The following FNDC3A variants were observed in gnomAD, a reference collection of about 807,000 sequenced individuals.
FNDC3A encodes the protein fibronectin type-III domain-containing protein 3A.
A neutral mutation model predicts 148.9 loss-of-function variants in FNDC3A; 32 were observed. That is an observed-to-expected ratio of 0.21 (90% confidence interval 0.16 to 0.29). The LOEUF (loss-of-function observed/expected upper bound fraction) is 0.29. Ranked by LOEUF, FNDC3A falls within the 10% of genes least tolerant of loss-of-function variation. The pLI, the probability that FNDC3A is intolerant of heterozygous loss-of-function variation, is 1.00. For missense variants in FNDC3A, 1,191 were observed against 1,452.8 expected (o/e 0.82, Z 2.93); for synonymous variants, 472 against 473.6 (o/e 1.00, Z 0.04).
intron 2 of FNDC3A, among the ~76,000 whole-genome samples, chr13:49,033,206 A>G (rs1168429588): frequency 6.6e-6 from 1 of 152,214 alleles, no homozygotes; most frequent in Non-Finnish European, 1.5e-5. Flanking sequence ...ATATTTGTAA[A>G]CAGCATACTC....
At chr13:49,052,451 G>C (rs1272284633) in intron 2 of FNDC3A, among the ~76,000 whole-genome samples, 1 of 151,968 alleles carries the variant, frequency 6.6e-6, no homozygotes, top group Non-Finnish European at 1.5e-5. Flanking sequence ...TGACCTTCTG[G>C]GTCTAGCCAC....
At chr13:49,136,166 G>T (rs1275492669) in intron 5 of FNDC3A, among the ~76,000 whole-genome samples, 166 bp from the exon 6 acceptor site, 3 of 152,008 alleles carry the variant, frequency 2.0e-5, no homozygotes, top group Non-Finnish European at 1.5e-5. Flanking sequence ...CACAAAGCTT[G>T]GTTCTGATAG....
intron 14 of FNDC3A, among the ~76,000 whole-genome samples, chr13:49,185,431 T>C (rs1885517051): frequency 6.6e-6 from 1 of 152,268 alleles, no homozygotes; most frequent in South Asian, 2.1e-4. Context: ...TTCACTCACA[T>C]GGTTGTCTCC....
chr13:49,154,282 T>C (rs1480928924), intron 8 of FNDC3A, among the ~76,000 whole-genome samples: 1 of 139,154 alleles, frequency 7.2e-6, no homozygotes, highest in Non-Finnish European at 1.6e-5. Flanking sequence ...TTTGAAGCAA[T>C]TGTGAATGGG....
Position 49,203,276 on chromosome 13 carries a change from T to C in FNDC3A, c.3274T>C (p.Phe1092Leu). 6.2e-7 allele frequency: 1 copy of C among 1,607,422 alleles called. No individual in the cohort carries two copies. The highest frequency in any genetic ancestry group is 1.1e-5 in the South Asian group (1 of 90,562). The stretch of plus-strand genomic sequence containing the variant: ...AGTTATGTTGGGAAAAGATTCAGAA[T>C]TCAAACAGGTATGTACCAAGATATT... ...LQVMLGKDSEFKQIYKGPDSS... is the reference protein window; with the variant it reads ...LQVMLGKDSELKQIYKGPDSS... The change falls in exon 25 of 26, where the codon TTC becomes CTC. Residue 1092 changes from phenylalanine to leucine, a missense_variant. Transcript: ENST00000492622.
intron 7 of FNDC3A, 43 bp downstream of exon 7, chr13:49,138,848 TTAGCA>T: frequency 9.6e-7 from 1 of 1,043,114 alleles, no homozygotes; most frequent in Non-Finnish European, 1.4e-6. Flanking sequence ...ATTTAATATA[TTAGCA>T]TAAGATGTTC....
chr13:49,158,535 T>C (rs1332017948), intron 8 of FNDC3A, among the ~76,000 whole-genome samples: 1 of 152,196 alleles, frequency 6.6e-6, no homozygotes, highest in Non-Finnish European at 1.5e-5. Flanking sequence ...TCGGCCATCT[T>C]CGATTGCAAA....
intron 2 of FNDC3A, among the ~76,000 whole-genome samples, chr13:49,036,600 C>T (rs567375377): frequency 3.0e-4 from 45 of 152,226 alleles, no homozygotes; most frequent in African/African-American, 1.0e-3. Context: ...TCTAAATGTA[C>T]CACTCTAGTC....
chr13:49,080,958 A>T (rs982645148), intron 3 of FNDC3A, among the ~76,000 whole-genome samples: 1 of 152,180 alleles, frequency 6.6e-6, no homozygotes, highest in Admixed American at 6.5e-5. Context: ...ATATTTTTAC[A>T]TATGTTTATA....
At chr13:49,196,482 G>C (rs917386880) in intron 19 of FNDC3A, among the ~76,000 whole-genome samples, 1 of 152,106 alleles carries the variant, frequency 6.6e-6, no homozygotes, top group African/African-American at 2.4e-5. Context: ...GCCTAAGAAA[G>C]ATTCGTGAAG....
chr13:49,179,966 A>G (rs943633519), intron 14 of FNDC3A, among the ~76,000 whole-genome samples: 1 of 152,216 alleles, frequency 6.6e-6, no homozygotes, highest in African/African-American at 2.4e-5. Flanking sequence ...CTCCCAATGG[A>G]CACAGCTAGG....
Position 49,136,566 on chromosome 13 carries a change from G to A in FNDC3A, c.725G>A (p.Gly242Glu), listed in dbSNP as rs1793480169. Residue 242 changes from glycine (G) to glutamate (E), a missense_variant, in exon 6 of 26, where the codon GGG (glycine) becomes GAG (glutamate). Gly to Glu is a moderately conservative substitution (Grantham distance 98, BLOSUM62 -2). Coordinates refer to ENST00000492622, the MANE Select transcript of FNDC3A (RefSeq NM_001079673.2). Reference protein sequence around the residue: ...TGSAKIKSGKGKGGTQVDTEI... With the variant: ...TGSAKIKSGKEKGGTQVDTEI... Reference sequence around the variant, plus strand: ...TCAGCAAAAATCAAGTCTGGGAAGGGGAAAGGTGGTACACAAGTTGATACA... The same window carrying A: ...TCAGCAAAAATCAAGTCTGGGAAGGAGAAAGGTGGTACACAAGTTGATACA... 1 of 1,613,920 alleles carries A rather than the reference G, an allele frequency of 6.2e-7. No homozygotes were observed. The highest frequency in any genetic ancestry group is 8.5e-7 in the Non-Finnish European group (1 of 1,179,842).
intron 4 of FNDC3A, among the ~76,000 whole-genome samples, chr13:49,120,124 A>G (rs1222040686): frequency 6.6e-6 from 1 of 152,254 alleles, no homozygotes; most frequent in Non-Finnish European, 1.5e-5. Context: ...GAAGCCCGTC[A>G]GACTAATAGC....
chr13:49,019,216 C>T (rs957943450), intron 2 of FNDC3A, among the ~76,000 whole-genome samples: 1 of 152,238 alleles, frequency 6.6e-6, no homozygotes, highest in African/African-American at 2.4e-5. Context: ...TGCTGCCTTG[C>T]AGTTTGATCT....
intron 2 of FNDC3A, among the ~76,000 whole-genome samples, chr13:49,073,885 TA>T (rs528228887): frequency 5.4e-5 from 8 of 148,190 alleles, no homozygotes; most frequent in Admixed American, 1.4e-4. Context: ...TATTCCTTAA[TA>T]AAAAAAAATC....
intron 2 of FNDC3A, among the ~76,000 whole-genome samples, chr13:49,017,371 T>A (rs1872887193): frequency 6.6e-6 from 1 of 152,218 alleles, no homozygotes; most frequent in Non-Finnish European, 1.5e-5. Context: ...CTTCTTTGTC[T>A]CTTTTGATCT....
intron 3 of FNDC3A, chr13:49,110,255 C>A: frequency 8.6e-7 from 1 of 1,168,676 alleles, no homozygotes; most frequent in Non-Finnish European, 1.2e-6. Context: ...CACGTGATGA[C>A]TGTCACGTGA....
intron 4 of FNDC3A, among the ~76,000 whole-genome samples, chr13:49,129,518 A>G (rs977977984): frequency 2.0e-5 from 3 of 152,208 alleles, no homozygotes; most frequent in Admixed American, 1.3e-4. Context: ...ATCCATTTCA[A>G]ACTTCTTCCA....
At chr13:49,050,586 C>G (rs1252428230) in intron 2 of FNDC3A, among the ~76,000 whole-genome samples, 1 of 152,162 alleles carries the variant, frequency 6.6e-6, no homozygotes, top group Non-Finnish European at 1.5e-5. Flanking sequence ...GAAGAATGTT[C>G]CATATGCTGA....
Sources: allele counts gnomAD v4.1 joint callset (sites outside exome capture counted in the v4.1 genomes callset), GRCh38; gene constraint gnomAD v4.1.1; transcripts MANE v1.5; gene names NCBI Gene and HGNC (gene_info 2026-07-23, HGNC 2026-07-21).